The following RFC1 variants were observed in gnomAD, a reference collection of about 807,000 sequenced individuals.
RFC1 encodes the protein replication factor C subunit 1.
RFC1 carries 37 observed loss-of-function variants against 137.4 expected under a neutral mutation model. That is an observed-to-expected ratio of 0.27 (90% confidence interval 0.21 to 0.35). The LOEUF is 0.35. Ranked by LOEUF, RFC1 falls within the 10% of genes least tolerant of loss-of-function variation. The probability of loss-of-function intolerance (pLI) is 1.00; values close to 1 mark genes in which losing one functional copy is unlikely to be tolerated. For missense variants in RFC1, 1,205 were observed against 1,358.5 expected, an observed-to-expected ratio of 0.89 and a Z score of 1.78; for synonymous variants, 429 against 455.7, an observed-to-expected ratio of 0.94 and a Z score of 0.75.
intron 2 of RFC1, among the ~76,000 whole-genome samples, chr4:39,346,618 A>G (rs932475674): frequency 1.3e-5 from 2 of 152,250 alleles, no homozygotes; most frequent in African/African-American, 4.8e-5. Flanking sequence ...GTAATCAATT[A>G]TAAGGTAGAA....
intron 2 of RFC1, 47 bp from the exon 3 acceptor site, chr4:39,345,523 T>G: frequency 6.9e-7 from 1 of 1,448,836 alleles, no homozygotes; most frequent in Non-Finnish European, 9.5e-7. Context: ...CCTATATAAC[T>G]ATCTTTTTTT....
chr4:39,366,298 G>C lies in RFC1; in HGVS notation c.-57C>G, dbSNP rs554871657. 1.3e-6 allele frequency: 2 copies of C among 1,502,004 alleles called. No homozygotes were observed. Among genetic ancestry groups the C allele is most frequent in the South Asian group, 2.5e-5 (2 of 79,810 alleles). 93.0% of individuals were successfully genotyped at this position (1,502,004 alleles called of 1,614,324 possible). A position where few individuals can be genotyped will look rare whatever the true frequency, so the allele number is the denominator to read the frequency against. On this transcript the variant is annotated 5_prime_UTR_variant, in exon 1 of 25. Coordinates refer to ENST00000349703, the MANE Select transcript of RFC1 (RefSeq NM_002913.5). ...GGCGGGTGGGCCGGTTGAGGAATCT[G>C]TTATCGAGGCTCAGGATCCATTCGC...
chr4:39,319,296 G>A (rs1739397429), intron 9 of RFC1, among the ~76,000 whole-genome samples: 1 of 152,176 alleles, frequency 6.6e-6, no homozygotes, highest in South Asian at 2.1e-4. Context: ...TGGCTCCAGA[G>A]CCTGTGTGTG....
intron 2 of RFC1, among the ~76,000 whole-genome samples, chr4:39,351,045 TC>T (rs909423320): frequency 2.6e-5 from 4 of 151,788 alleles, no homozygotes; most frequent in Non-Finnish European, 4.4e-5. Context: ...GGTCAGGAGA[TC>T]GAGACCATCC....
chr4:39,301,469 T>C (rs1015995158), intron 19 of RFC1, among the ~76,000 whole-genome samples: 5 of 152,160 alleles, frequency 3.3e-5, no homozygotes, highest in African/African-American at 1.2e-4. Context: ...GGTTCATCGA[T>C]TGTAACAGAT....
At chr4:39,365,229 G>A (rs866382658) in intron 1 of RFC1, among the ~76,000 whole-genome samples, 2 of 147,658 alleles carry the variant, frequency 1.4e-5, no homozygotes, top group South Asian at 4.3e-4. Context: ...CTTGGTACAA[G>A]GTAGCTACTA....
At position 39,300,003 on chromosome 4, in the gene RFC1, G is replaced by A; in HGVS notation, c.2808+18C>T. ...AGTAAAAGCAGAGCCTGCATGTTAGGGAGAGCCCTCTGCTCACCTGCGCAG... is the reference window on the plus strand; with the variant it reads ...AGTAAAAGCAGAGCCTGCATGTTAGAGAGAGCCCTCTGCTCACCTGCGCAG... On this transcript the variant is annotated intron_variant, in intron 21 of 24. Coordinates refer to ENST00000349703, the MANE Select transcript of RFC1 (RefSeq NM_002913.5). 1 of 1,448,844 alleles carries A rather than the reference G, an allele frequency of 6.9e-7. No individual in the cohort carries two copies. Among genetic ancestry groups the A allele is most frequent in the Non-Finnish European group, 9.7e-7 (1 of 1,029,242 alleles). The allele number at this position is 1,448,844 out of a possible 1,614,324, so 89.7% of individuals were successfully genotyped here.
chr4:39,313,122 C>T (rs1054054218), intron 10 of RFC1, among the ~76,000 whole-genome samples, 191 bp from the exon 11 acceptor site: 3 of 152,116 alleles, frequency 2.0e-5, no homozygotes. Context: ...TTTGATATGG[C>T]TAACGTTTAA....
Position 39,342,442 on chromosome 4 carries a change from C to G in RFC1, c.234G>C (p.Gln78His). The G allele has an allele frequency of 6.2e-7, 1 of 1,613,018 alleles. No homozygotes were observed. Among genetic ancestry groups the G allele is most frequent in the Admixed American group, 1.7e-5 (1 of 59,992 alleles). ...CTGGTGGCTTTTTGGCATTTTTTAC[C>G]TGCAACGTCTCCTCTGACTCTGAAT... ...DSDSESEETLQVKNAKKPPEK... is the reference protein window; with the variant it reads ...DSDSESEETLHVKNAKKPPEK... The change falls in exon 4 of 25, where the codon CAG (glutamine) becomes CAC (histidine). Residue 78 changes from glutamine (Q) to histidine (H), a missense_variant. Gln to His is a conservative substitution (Grantham distance 24, BLOSUM62 0). Around this residue, in one of 3 missense-constraint regions of RFC1, gnomAD observed 962 missense variants for 1,035.3 expected, o/e 0.93. Coordinates refer to ENST00000349703, the MANE Select transcript of RFC1 (RefSeq NM_002913.5).
chr4:39,337,144 G>A (rs1424029951), intron 4 of RFC1, among the ~76,000 whole-genome samples: 1 of 152,198 alleles, frequency 6.6e-6, no homozygotes, highest in African/African-American at 2.4e-5. Context: ...GGAGGCCGAG[G>A]CAGGCGGATC....
intron 1 of RFC1, among the ~76,000 whole-genome samples, chr4:39,361,378 C>G (rs1299464808): frequency 6.6e-6 from 1 of 152,058 alleles, no homozygotes; most frequent in Non-Finnish European, 1.5e-5. Flanking sequence ...AACAGCGCGA[C>G]TGCGTTTCAA....
chr4:39,355,136 C>CACACAA (rs1383123973), intron 1 of RFC1, among the ~76,000 whole-genome samples: 1 of 131,420 alleles, frequency 7.6e-6, no homozygotes, highest in Non-Finnish European at 1.6e-5. Context: ...CACACACACA[C>CACACAA]AACAGGCCAG....
At chr4:39,343,678 G>A (rs939511531) in intron 3 of RFC1, among the ~76,000 whole-genome samples, 2 of 152,198 alleles carry the variant, frequency 1.3e-5, no homozygotes, top group East Asian at 1.9e-4. Context: ...AGAGGAACGC[G>A]TACTTCTTTC....
At chr4:39,337,433 TAA>T (rs1740409091) in intron 4 of RFC1, among the ~76,000 whole-genome samples, 1 of 86,562 alleles carries the variant, frequency 1.2e-5, no homozygotes, top group Admixed American at 1.3e-4. Context: ...GCTACTCAAA[TAA>T]GTGTGTGTGT....
At chr4:39,299,207 T>A (rs1039344636) in intron 21 of RFC1, among the ~76,000 whole-genome samples, 1 of 152,194 alleles carries the variant, frequency 6.6e-6, no homozygotes, top group African/African-American at 2.4e-5. Flanking sequence ...TCATTTCCCA[T>A]AAGGGATACT....
intron 19 of RFC1, among the ~76,000 whole-genome samples, chr4:39,301,774 T>C (rs1427176775): frequency 6.6e-6 from 1 of 152,228 alleles, no homozygotes; most frequent in Non-Finnish European, 1.5e-5. Context: ...AGCGAGACCC[T>C]GTCTCTACCA....
At chr4:39,301,416 A>G (rs1738355779) in intron 19 of RFC1, among the ~76,000 whole-genome samples, 1 of 152,204 alleles carries the variant, frequency 6.6e-6, no homozygotes, top group South Asian at 2.1e-4. Context: ...AGGGAATGCT[A>G]ATGTCAACTA....
At chr4:39,288,928 T>TC in intron 24 of RFC1, 84 bp from the exon 25 acceptor site, 1 of 865,564 alleles carries the variant, frequency 1.2e-6, no homozygotes, top group African/African-American at 1.8e-5. Context: ...AAATCTAATC[T>TC]TTACCTGCAA....
chr4:39,329,692 G>A (rs773201852), intron 4 of RFC1, among the ~76,000 whole-genome samples: 2 of 152,056 alleles, frequency 1.3e-5, no homozygotes, highest in South Asian at 2.1e-4. Context: ...AGTAAGCCTC[G>A]ATTGTACCAC....
Sources: allele counts gnomAD v4.1 joint callset (sites outside exome capture counted in the v4.1 genomes callset), GRCh38; gene constraint gnomAD v4.1.1; regional missense constraint gnomAD v4.1.1; transcripts MANE v1.5; gene names NCBI Gene and HGNC (gene_info 2026-07-23, HGNC 2026-07-21).